RCBTB2: variants seen among roughly 807,000 people sequenced by gnomAD.
The protein encoded by RCBTB2 is RCC1 and BTB domain-containing protein 2.
A neutral mutation model predicts 65.4 loss-of-function variants in RCBTB2; 55 were observed. That is an observed-to-expected ratio of 0.84 (90% CI 0.68 to 1.05). The LOEUF (loss-of-function observed/expected upper bound fraction) is 1.05, where lower values mean the gene tolerates loss of function less well. Ranked by LOEUF, RCBTB2 falls within the 50% of genes least tolerant of loss-of-function variation. The pLI is 0.00. For synonymous variants in RCBTB2, 220 were observed against 255.2 expected (o/e 0.86, Z 1.31); for missense variants, 599 against 680.1 (o/e 0.88, Z 1.33).
intron 1 of RCBTB2, chr13:48,532,719 G>A (rs915978675): frequency 1.4e-4 from 41 of 294,674 alleles, no homozygotes; most frequent in Non-Finnish European, 2.7e-4. Context: ...GGATGTAGTC[G>A]CGAGCAGCGC....
chr13:48,533,031 C>T lies in RCBTB2; in HGVS notation c.-222G>A, dbSNP rs1174375227. 2.2e-6 allele frequency: 1 copy of T among 455,248 alleles called. No homozygotes were observed. The highest frequency in any genetic ancestry group is 2.3e-5 in the Admixed American group (1 of 42,560). 28.2% of individuals were successfully genotyped at this position (455,248 alleles called of 1,614,324 possible). ...CACCACTCCTCCACCCTCTTACCTC[C>T]TCGCAGGCCGGAGCCTTGTCCGCTC... On this transcript the variant is annotated 5_prime_UTR_variant, in exon 1 of 15. Coordinates refer to ENST00000344532, the MANE Select transcript of RCBTB2 (RefSeq NM_001268.4).
Position 48,512,163 on chromosome 13 carries a change from C to A in RCBTB2, c.528G>T (p.Trp176Cys). The change falls in exon 8 of 15, where the codon TGG becomes TGT. Residue 176 changes from tryptophan to cysteine, a missense_variant. Physicochemically the swap from Trp to Cys is radical, Grantham distance 215 (BLOSUM62 -2). Transcript: ENST00000344532. ...VLTSDGEVFA[W>C]GYNNSGQVGS... ...CTACCTGCCCAGAGTTATTATAACC[C>A]CAGGCAAATACCTGTTTAAAGGAAA... 4 of 1,612,970 alleles carry A rather than the reference C, an allele frequency of 2.5e-6. No individual in the cohort carries two copies. Among genetic ancestry groups the A allele is most frequent in the Non-Finnish European group, 3.4e-6 (4 of 1,179,124 alleles).
rs146338388 is a variant in RCBTB2, at chr13:48,512,118, A to G, written c.573T>C (p.Asn191=). 2.3e-4 allele frequency: 364 copies of G among 1,614,188 alleles called. 1 individual carries two copies. In the African/African-American group the frequency reaches 4.3e-3, roughly 19 times the overall value. Residue 191 remains asparagine (N), a synonymous_variant, in exon 8 of 15, where the codon AAT becomes AAC. Transcript: ENST00000344532. ...SGQVGSGSTV[N]QPIPRRVTGC... is the part of the protein sequence containing the mutation. The stretch of plus-strand genomic sequence containing the variant: ...CAGTGACTCTTCGAGGGATTGGCTG[A>G]TTAACTGTTGATCCAGATCCTACCT...
intron 6 of RCBTB2, 59 bp from the exon 7 acceptor site, chr13:48,512,954 T>C: frequency 1.4e-6 from 2 of 1,395,544 alleles, no homozygotes; most frequent in East Asian, 4.6e-5. Flanking sequence ...TATACGAAAA[T>C]ATATGTAGCA....
intron 8 of RCBTB2, 34 bp downstream of exon 8, chr13:48,511,982 G>A (rs1267719606): frequency 7.5e-6 from 12 of 1,608,518 alleles, no homozygotes; most frequent in East Asian, 4.5e-5. Flanking sequence ...TGGCAAACAC[G>A]GTTTTTAAAC....
chr13:48,506,642 T>C (rs1388661307), intron 10 of RCBTB2, among the ~76,000 whole-genome samples: 1 of 152,154 alleles, frequency 6.6e-6, no homozygotes, highest in African/African-American at 2.4e-5. Context: ...AATGTACACA[T>C]AGCTGAGCAA....
At chr13:48,490,314 T>G in intron 14 of RCBTB2, 63 bp from the exon 15 acceptor site, 1 of 1,441,644 alleles carries the variant, frequency 6.9e-7, no homozygotes, top group East Asian at 2.3e-5. Context: ...CAACATAGCA[T>G]GAAAATCGCT....
At chr13:48,503,824 C>T (rs574293817) in intron 10 of RCBTB2, among the ~76,000 whole-genome samples, 1 of 152,324 alleles carries the variant, frequency 6.6e-6, no homozygotes, top group South Asian at 2.1e-4. Context: ...GCTGGGATTA[C>T]AGGTGTGAGA....
At chr13:48,517,257 T>C (rs917394265) in intron 4 of RCBTB2, among the ~76,000 whole-genome samples, 2 of 152,168 alleles carry the variant, frequency 1.3e-5, no homozygotes, top group Non-Finnish European at 2.9e-5. Flanking sequence ...ATGTCATCCA[T>C]CCCTTGAAAG....
At chr13:48,532,924 C>A in intron 1 of RCBTB2, 104 bp downstream of exon 1, 1 of 450,048 alleles carries the variant, frequency 2.2e-6, no homozygotes, top group Non-Finnish European at 4.5e-6. Context: ...GAGGTCGGGC[C>A]GCAGGGGCGG....
At chr13:48,504,342 G>C (rs1315131977) in intron 10 of RCBTB2, 1 of 985,356 alleles carries the variant, frequency 1.0e-6, no homozygotes, top group Non-Finnish European at 1.2e-6. Flanking sequence ...TCCATGATTT[G>C]GCGTCACCTC....
At chr13:48,526,043 C>G (rs1951712069) in intron 1 of RCBTB2, among the ~76,000 whole-genome samples, 1 of 152,070 alleles carries the variant, frequency 6.6e-6, no homozygotes, top group Non-Finnish European at 1.5e-5. Flanking sequence ...TTCCATCTGA[C>G]AAGATGGTTT....
At chr13:48,514,314 C>A (rs1950966993) in intron 6 of RCBTB2, among the ~76,000 whole-genome samples, 1 of 152,122 alleles carries the variant, frequency 6.6e-6, no homozygotes, top group Admixed American at 6.6e-5. Context: ...GGTTCATGTC[C>A]CAGCTGGGAT....
chr13:48,519,321 TG>T (rs1440353034), intron 4 of RCBTB2, among the ~76,000 whole-genome samples: 1 of 152,214 alleles, frequency 6.6e-6, no homozygotes, highest in Non-Finnish European at 1.5e-5. Context: ...AAAGATACAA[TG>T]ACTGACGGCT....
At chr13:48,533,657 T>C (rs9591170), upstream of RCBTB2, among the ~76,000 whole-genome samples, 10,376 of 152,214 alleles carry the variant, frequency 0.068, 862 homozygotes, top group African/African-American at 0.19. Context: ...GCCAAGGGCT[T>C]CGAAAACAGC....
chr13:48,528,731 A>T (rs541189906), intron 1 of RCBTB2, among the ~76,000 whole-genome samples: 1 of 152,334 alleles, frequency 6.6e-6, no homozygotes, highest in South Asian at 2.1e-4. Flanking sequence ...GCAAAAAGGG[A>T]TAGTGTTAGC....
chr13:48,521,942 G>A lies in RCBTB2; in HGVS notation c.-3C>T, dbSNP rs1296847724. 6.2e-7 allele frequency: 1 copy of A among 1,613,744 alleles called. No homozygotes were observed. Among genetic ancestry groups the A allele is most frequent in the Admixed American group, 1.7e-5 (1 of 59,998 alleles). On this transcript the variant is annotated 5_prime_UTR_variant, in exon 4 of 15. Transcript: ENST00000344532. ...AAAAGAGGAAGTTCTTCTTCCATAT[G>A]GACTCAGTCCTGGGCAGTCCCTGAG...
At chr13:48,498,218 C>A (rs1950063560) in intron 13 of RCBTB2, among the ~76,000 whole-genome samples, 1 of 152,222 alleles carries the variant, frequency 6.6e-6, no homozygotes, top group African/African-American at 2.4e-5. Context: ...TGGGTTCTGG[C>A]ACAAGAAGTC....
intron 10 of RCBTB2, among the ~76,000 whole-genome samples, chr13:48,507,255 A>G (rs9332020): frequency 0.011 from 1,698 of 152,346 alleles, 25 homozygotes; most frequent in African/African-American, 0.039. Flanking sequence ...TTTAGAGGGT[A>G]CTTTCAGGTC....
Sources: allele counts gnomAD v4.1 joint callset (sites outside exome capture counted in the v4.1 genomes callset), GRCh38; gene constraint gnomAD v4.1.1; transcripts MANE v1.5; gene names NCBI Gene and HGNC (gene_info 2026-07-23, HGNC 2026-07-21).